HS3ST4: variants seen among roughly 807,000 people sequenced by gnomAD.
HS3ST4 encodes heparan sulfate glucosamine 3-O-sulfotransferase 4.
HS3ST4 carries 17 observed loss-of-function variants against 29.2 expected under a neutral mutation model. That is an observed-to-expected ratio of 0.58 (90% CI 0.40 to 0.87). The LOEUF (loss-of-function observed/expected upper bound fraction) is 0.87. HS3ST4 is among the 40% of genes least tolerant of loss of function. The pLI, the probability that HS3ST4 is intolerant of heterozygous loss-of-function variation, is 0.00. For synonymous variants in HS3ST4, 314 were observed against 285.7 expected (o/e 1.10, Z -1.00); for missense variants, 627 against 634.5 (o/e 0.99, Z 0.13).
At chr16:25,957,386 A>G (rs1968746863) in intron 1 of HS3ST4, among the ~76,000 whole-genome samples, 1 of 150,506 alleles carries the variant, frequency 6.6e-6, no homozygotes, top group Admixed American at 6.7e-5. Context: ...GCAGCAATGT[A>G]GCCTATGAAA....
chr16:25,974,280 T>G (rs1397975054), intron 1 of HS3ST4, among the ~76,000 whole-genome samples: 27 of 152,172 alleles, frequency 1.8e-4, no homozygotes, highest in Admixed American at 1.8e-3. Context: ...CAGAAAGCCC[T>G]CCATAGTCTC....
chr16:25,803,311 A>G (rs935851594), intron 1 of HS3ST4, among the ~76,000 whole-genome samples: 14 of 152,288 alleles, frequency 9.2e-5, no homozygotes, highest in Non-Finnish European at 1.3e-4. Context: ...TTAAATAAAA[A>G]CTGAGACAAT....
chr16:26,036,964 G>C (rs1969588769), intron 1 of HS3ST4, among the ~76,000 whole-genome samples: 8 of 152,120 alleles, frequency 5.3e-5, no homozygotes, highest in Admixed American at 5.2e-4. Context: ...TTTAAGACCT[G>C]GTGACCAACA....
At chr16:25,757,144 C>A (rs1055644636) in intron 1 of HS3ST4, among the ~76,000 whole-genome samples, 1 of 152,112 alleles carries the variant, frequency 6.6e-6, no homozygotes, top group African/African-American at 2.4e-5. Flanking sequence ...ACATAGATAT[C>A]ATTGTGAATA....
intron 1 of HS3ST4, among the ~76,000 whole-genome samples, chr16:26,053,539 C>T (rs1205720042): frequency 6.6e-6 from 1 of 152,006 alleles, no homozygotes; most frequent in Non-Finnish European, 1.5e-5. Flanking sequence ...TCAGGAAGAC[C>T]AAATTTAAGA....
intron 1 of HS3ST4, among the ~76,000 whole-genome samples, chr16:26,119,757 G>A (rs911862173): frequency 6.6e-6 from 1 of 152,000 alleles, no homozygotes; most frequent in Admixed American, 6.5e-5. Flanking sequence ...CCTACTTCAT[G>A]CCAGGCACTA....
chr16:26,054,324 A>G (rs1898382016), intron 1 of HS3ST4, among the ~76,000 whole-genome samples: 2 of 146,422 alleles, frequency 1.4e-5, no homozygotes, highest in Non-Finnish European at 3.0e-5. Flanking sequence ...GAAGAAGAAG[A>G]AGAAGAGAAG....
intron 1 of HS3ST4, among the ~76,000 whole-genome samples, chr16:25,899,279 A>G (rs879690075): frequency 4.0e-4 from 61 of 152,158 alleles, no homozygotes; most frequent in Admixed American, 1.3e-4. Flanking sequence ...TGTTCCCCCC[A>G]TATCAGTTGG....
chr16:26,089,448 T>C (rs891315210), intron 1 of HS3ST4, among the ~76,000 whole-genome samples: 7 of 152,078 alleles, frequency 4.6e-5, no homozygotes, highest in African/African-American at 1.7e-4. Context: ...CCGTAGAGAT[T>C]AGGGTGGGGC....
chr16:25,960,480 ACTT>A (rs1968784399), intron 1 of HS3ST4, among the ~76,000 whole-genome samples: 1 of 152,186 alleles, frequency 6.6e-6, no homozygotes, highest in Non-Finnish European at 1.5e-5. Context: ...CTCACATACT[ACTT>A]TTCTCAATAA....
At chr16:25,775,052 C>T (rs142498648) in intron 1 of HS3ST4, among the ~76,000 whole-genome samples, 4 of 152,294 alleles carry the variant, frequency 2.6e-5, no homozygotes, top group East Asian at 3.9e-4. Context: ...GTGACTGAGT[C>T]GCTGTCGCAC....
chr16:25,909,727 T>TCACAACAACACTGAGAGA (rs1968216995), intron 1 of HS3ST4, among the ~76,000 whole-genome samples: 1 of 152,224 alleles, frequency 6.6e-6, no homozygotes, highest in African/African-American at 2.4e-5. Flanking sequence ...CTAGTCTTTA[T>TCACAACAACACTGAGAGA]CGTGAGTCTC....
chr16:25,865,323 C>A (rs1967683062), intron 1 of HS3ST4, among the ~76,000 whole-genome samples: 1 of 152,078 alleles, frequency 6.6e-6, no homozygotes, highest in Admixed American at 6.6e-5. Flanking sequence ...ATATATTTTA[C>A]CTTTTTGGTA....
At chr16:25,913,783 A>C (rs1308736444) in intron 1 of HS3ST4, among the ~76,000 whole-genome samples, 2 of 145,972 alleles carry the variant, frequency 1.4e-5, no homozygotes, top group Non-Finnish European at 3.0e-5. Context: ...GTGTATGTGG[A>C]TGTGGAGGGA....
chr16:26,031,445 G>A (rs1038054091), intron 1 of HS3ST4, among the ~76,000 whole-genome samples: 1 of 152,086 alleles, frequency 6.6e-6, no homozygotes, highest in Non-Finnish European at 1.5e-5. Flanking sequence ...GTTCTAGGAG[G>A]ACATTTGTAT....
intron 1 of HS3ST4, among the ~76,000 whole-genome samples, chr16:25,968,725 A>T (rs930152911): frequency 1.2e-4 from 19 of 152,184 alleles, no homozygotes; most frequent in Admixed American, 1.2e-3. Context: ...TCATAAAATA[A>T]GCTTGCCAGG....
intron 1 of HS3ST4, among the ~76,000 whole-genome samples, chr16:25,732,856 T>C (rs1214728613): frequency 6.6e-6 from 1 of 152,212 alleles, no homozygotes; most frequent in Non-Finnish European, 1.5e-5. Flanking sequence ...CAATAGTTCC[T>C]CCTTCTTAGT....
chr16:26,070,526 C>T (rs949611387), intron 1 of HS3ST4, among the ~76,000 whole-genome samples: 14 of 152,136 alleles, frequency 9.2e-5, no homozygotes, highest in Non-Finnish European at 1.6e-4. Context: ...AAATAAATGG[C>T]TATTGTTTAC....
intron 1 of HS3ST4, among the ~76,000 whole-genome samples, chr16:25,726,860 A>G (rs1966538802): frequency 6.6e-6 from 1 of 152,100 alleles, no homozygotes; most frequent in Non-Finnish European, 1.5e-5. Flanking sequence ...TACATTTCTC[A>G]CATATGCTGC....
Sources: gnomAD v4.1 joint callset for allele counts (sites outside exome capture counted in the v4.1 genomes callset) on GRCh38, gnomAD v4.1.1 for gene constraint, MANE v1.5 for transcripts, NCBI Gene and HGNC (gene_info 2026-07-23, HGNC 2026-07-21) for gene names.